The following PHF21A variants were observed in gnomAD, a reference collection of about 807,000 sequenced individuals.
PHF21A encodes PHD finger protein 21A.
Under a neutral mutation model 82.5 loss-of-function variants are expected in PHF21A, and 11 were observed. The observed-to-expected ratio is 0.13, with a 90% CI of 0.08 to 0.22. The LOEUF (loss-of-function observed/expected upper bound fraction) is 0.22. Ranked by LOEUF, PHF21A falls within the 10% of genes least tolerant of loss-of-function variation. PHF21A has a pLI of 1.00. For synonymous variants in PHF21A, 297 were observed against 302.8 expected (o/e 0.98, Z 0.20); for missense variants, 579 against 837.8 (o/e 0.69, Z 3.81).
At chr11:46,040,382 GT>G (rs948557899) in intron 6 of PHF21A, among the ~76,000 whole-genome samples, 3 of 151,950 alleles carry the variant, frequency 2.0e-5, no homozygotes, top group African/African-American at 4.8e-5. Context: ...GACAATAAAA[GT>G]TTTTTTTAGC....
intron 1 of PHF21A, among the ~76,000 whole-genome samples, chr11:46,111,472 T>C (rs2097213375): frequency 6.6e-6 from 1 of 151,658 alleles, no homozygotes; most frequent in Admixed American, 6.6e-5. Context: ...CAAGACTCCG[T>C]CTCAAATAAA....
rs1265025443 is a variant in PHF21A at position 45,938,313 on chromosome 11, C to T, written c.1453-1G>A. 6.2e-7 allele frequency: 1 copy of T among 1,605,616 alleles called. No homozygotes were observed. The highest frequency in any genetic ancestry group is 8.5e-7 in the Non-Finnish European group (1 of 1,176,198). ...TGCAAAAATCCTCATGAATATCACC[C>T]TATAAAGTTGAGAGGAAAGGTAAGA... On this transcript the variant is annotated splice_acceptor_variant, in intron 15 of 18. Transcript: ENST00000676320. LOFTEE classifies it high-confidence loss of function.
At chr11:46,000,253 A>G (rs192648579) in intron 6 of PHF21A, among the ~76,000 whole-genome samples, 120 of 152,330 alleles carry the variant, frequency 7.9e-4, no homozygotes, top group Non-Finnish European at 1.4e-3. Flanking sequence ...TCACTTCTAC[A>G]CTATATGCCA....
At position 45,929,916 on chromosome 11, in the gene PHF21A, G is replaced by T. The variant is rs1174593035; in HGVS notation, c.*4052C>A. The T allele has an allele frequency of 6.6e-6, 1 of 152,200 alleles. No homozygotes were observed. The highest frequency in any genetic ancestry group is 1.5e-5 in the Non-Finnish European group (1 of 68,156). 9.4% of individuals were successfully genotyped at this position (152,200 alleles called of 1,614,324 possible). On this transcript the variant is annotated 3_prime_UTR_variant, in exon 19 of 19. Coordinates refer to ENST00000676320, the MANE Select transcript of PHF21A (RefSeq NM_001352027.3). ...ATGGGAGTCCTGCTTCCTGCCAGGG[G>T]TGCCCGGCAGAGGGACAGGGGCGAG...
At chr11:46,010,984 T>TCA (rs1371881399) in intron 6 of PHF21A, among the ~76,000 whole-genome samples, 16 of 151,718 alleles carry the variant, frequency 1.1e-4, no homozygotes, top group East Asian at 1.9e-4. Flanking sequence ...TCTCTCTCTC[T>TCA]CACACACACA....
chr11:45,949,719 G>C lies in PHF21A; in HGVS notation c.1148-238C>G, dbSNP rs1395542076. Among the ~76,000 whole-genome samples, 3 of 152,258 alleles carry C rather than the reference G, an allele frequency of 2.0e-5. 1 individual carries two copies. Among genetic ancestry groups the C allele is most frequent in the Non-Finnish European group, 4.4e-5 (3 of 68,014 alleles). On this transcript the variant is annotated intron_variant, in intron 12 of 18. Transcript: ENST00000676320. ...GTTCTCTGTTGAGAGTTTAACAATA[G>C]ACAACACTTGTAAACAAGTTGTCCT...
chr11:46,052,275 G>A (rs1046258598), intron 6 of PHF21A, among the ~76,000 whole-genome samples: 1 of 152,354 alleles, frequency 6.6e-6, no homozygotes, highest in Admixed American at 6.5e-5. Context: ...GCCAGTACAG[G>A]ACAGCCTGTA....
At chr11:46,069,316 A>C (rs1445807906) in intron 6 of PHF21A, among the ~76,000 whole-genome samples, 2 of 152,264 alleles carry the variant, frequency 1.3e-5, no homozygotes, top group African/African-American at 2.4e-5. Flanking sequence ...ATGGCTTTAC[A>C]TAAATATTAC....
chr11:45,987,660 CAAAAAAAAAAAA>C (rs71038877), intron 6 of PHF21A, among the ~76,000 whole-genome samples: 6 of 34,898 alleles, frequency 1.7e-4, no homozygotes, highest in Admixed American at 5.2e-4. Flanking sequence ...GACCCCGTCT[CAAAAAAAAAAAA>C]AAAAAAAAAA....
At chr11:45,995,294 A>T (rs2094865714) in intron 6 of PHF21A, among the ~76,000 whole-genome samples, 1 of 152,208 alleles carries the variant, frequency 6.6e-6, no homozygotes, top group South Asian at 2.1e-4. Context: ...AAAATGGAAC[A>T]AATTCAGTGG....
At chr11:45,963,657 ATT>A (rs931608196) in intron 10 of PHF21A, among the ~76,000 whole-genome samples, 14 of 152,120 alleles carry the variant, frequency 9.2e-5, no homozygotes, top group African/African-American at 2.9e-4. Flanking sequence ...AACCAAAACA[ATT>A]TGTCTCCTAA....
rs760792263 is a variant in PHF21A, at chr11:46,119,560, TCAA to T, written c.-237+1372_-237+1374del. Among the ~76,000 whole-genome samples, 5 of 151,834 alleles carry T rather than the reference TCAA, an allele frequency of 3.3e-5. No individual in the cohort carries two copies. In the East Asian group the frequency reaches 7.8e-4, roughly 24 times the overall value. On this transcript the variant is annotated intron_variant, in intron 1 of 18. Coordinates refer to ENST00000676320, the MANE Select transcript of PHF21A (RefSeq NM_001352027.3). ...GCAGTCGTACCCTCATCACAACAAC[TCAA>T]CTACTTAGAAATCACTCTCGGCACA... is the stretch of plus-strand genomic sequence containing the variant.
At chr11:46,073,535 A>G (rs1167080831) in intron 6 of PHF21A, among the ~76,000 whole-genome samples, 2 of 152,222 alleles carry the variant, frequency 1.3e-5, no homozygotes, top group African/African-American at 2.4e-5. Flanking sequence ...GAAAATATAC[A>G]TAAGAGTATA....
intron 1 of PHF21A, among the ~76,000 whole-genome samples, chr11:46,100,498 A>C (rs1291044445): frequency 6.6e-6 from 1 of 152,108 alleles, no homozygotes; most frequent in Non-Finnish European, 1.5e-5. Flanking sequence ...CTTCTGGGGA[A>C]TACCACAAAG....
intron 3 of PHF21A, among the ~76,000 whole-genome samples, chr11:46,086,312 G>A (rs2096856844): frequency 6.6e-6 from 1 of 152,002 alleles, no homozygotes; most frequent in Non-Finnish European, 1.5e-5. Context: ...GTAGAGACGG[G>A]GTTTCACCGT....
At chr11:46,007,001 C>T (rs757237297) in intron 6 of PHF21A, among the ~76,000 whole-genome samples, 1 of 152,222 alleles carries the variant, frequency 6.6e-6, no homozygotes, top group Non-Finnish European at 1.5e-5. Flanking sequence ...ATGCCACACA[C>T]TTCACAGTTT....
At chr11:46,068,669 A>G (rs1160370637) in intron 6 of PHF21A, among the ~76,000 whole-genome samples, 2 of 150,212 alleles carry the variant, frequency 1.3e-5, no homozygotes, top group Non-Finnish European at 3.0e-5. Context: ...AGCAAAGTGG[A>G]AAAAAAAAAT....
intron 10 of PHF21A, among the ~76,000 whole-genome samples, chr11:45,958,753 A>AT (rs1042711487): frequency 6.6e-6 from 1 of 151,848 alleles, no homozygotes; most frequent in African/African-American, 2.4e-5. Context: ...CCATCTCTAC[A>AT]TAAAATTTAA....
intron 15 of PHF21A, among the ~76,000 whole-genome samples, chr11:45,940,659 A>ATG (rs33930558): frequency 0.87 from 132,728 of 152,066 alleles, 58,242 homozygotes; most frequent in East Asian, 1. Flanking sequence ...CTTCATTATT[A>ATG]AAATCAGGCT....
Sources: allele counts gnomAD v4.1 joint callset (sites outside exome capture counted in the v4.1 genomes callset), GRCh38; gene constraint gnomAD v4.1.1; transcripts MANE v1.5; gene names NCBI Gene and HGNC (gene_info 2026-07-23, HGNC 2026-07-21).